The following ABLIM1 variants were observed in gnomAD, a reference collection of about 807,000 sequenced individuals.
ABLIM1 encodes actin binding LIM protein 1, also known as actin-binding LIM protein 1.
Under a neutral mutation model 107.0 loss-of-function variants are expected in ABLIM1, and 40 were observed. The observed-to-expected ratio is 0.37, with a 90% CI of 0.29 to 0.49. ABLIM1 has a LOEUF of 0.49. ABLIM1 is among the 20% of genes least tolerant of loss of function. The pLI is 0.97. For missense variants in ABLIM1, 857 were observed against 1,008.5 expected (o/e 0.85, Z 2.04); for synonymous variants, 357 against 357.3 (o/e 1.00, Z 0.01).
intron 10 of ABLIM1, among the ~76,000 whole-genome samples, chr10:114,471,198 T>C (rs2066475315): frequency 6.6e-6 from 1 of 152,088 alleles, no homozygotes. Context: ...TCTGGCAGAG[T>C]CTGGTTTTAA....
intron 8 of ABLIM1, chr10:114,485,279 C>A: frequency 6.3e-7 from 1 of 1,596,282 alleles, no homozygotes; most frequent in South Asian, 1.1e-5. Context: ...CGAGCCCCAG[C>A]CTAGACACAA....
rs370641489 is a variant in ABLIM1 at position 114,728,860 on chromosome 10, A to G, written c.-213+39201T>C. 6.8e-4 allele frequency among the ~76,000 whole-genome samples: 104 copies of G among 152,276 alleles called. 3 individuals are homozygous for G. The South Asian group carries it at 0.02, about 29-fold the overall frequency. On this transcript the variant is annotated intron_variant, in intron 1 of 15. Transcript: ENST00000651092. The stretch of plus-strand genomic sequence containing the variant: ...AAGTATGGCAAAACTGTAACATTCT[A>G]TATAGCAGGGTGCATATCATGCTTT...
At chr10:114,476,752 C>T (rs1420823460) in intron 8 of ABLIM1, among the ~76,000 whole-genome samples, 1 of 151,958 alleles carries the variant, frequency 6.6e-6, no homozygotes, top group Admixed American at 6.5e-5. Context: ...TCCTCCTTTA[C>T]AAGGAGATGC....
chr10:114,542,952 GTCCTTGGGTCAATAA>G (rs2066885766), intron 6 of ABLIM1, among the ~76,000 whole-genome samples: 1 of 152,160 alleles, frequency 6.6e-6, no homozygotes, highest in Non-Finnish European at 1.5e-5. Context: ...GTTTTGAAGT[GTCCTTGGGTCAATAA>G]TTAAAGCTTT....
At chr10:114,605,276 C>A (rs1371305253) in intron 1 of ABLIM1, among the ~76,000 whole-genome samples, 2 of 152,190 alleles carry the variant, frequency 1.3e-5, no homozygotes, top group African/African-American at 4.8e-5. Context: ...CTTTGACAGT[C>A]TGGTTGTTAC....
At chr10:114,649,140 A>G (rs112798948) in intron 1 of ABLIM1, among the ~76,000 whole-genome samples, 2,697 of 152,120 alleles carry the variant, frequency 0.018, 32 homozygotes, top group Non-Finnish European at 0.026. Flanking sequence ...GCTCACACCT[A>G]TAACCCCAGT....
chr10:114,749,739 C>T (rs931850739), intron 1 of ABLIM1, among the ~76,000 whole-genome samples: 12 of 152,248 alleles, frequency 7.9e-5, no homozygotes, highest in East Asian at 3.9e-4. Context: ...CTACTGGCCT[C>T]GCTGTGCCCT....
At chr10:114,594,081 T>C (rs1197510442) in intron 2 of ABLIM1, among the ~76,000 whole-genome samples, 1 of 152,232 alleles carries the variant, frequency 6.6e-6, no homozygotes, top group Non-Finnish European at 1.5e-5. Context: ...ATTCTCTAGA[T>C]AGGTAATAAA....
At chr10:114,459,122 C>A (rs1441497719) in intron 12 of ABLIM1, among the ~76,000 whole-genome samples, 2 of 152,232 alleles carry the variant, frequency 1.3e-5, no homozygotes, top group African/African-American at 2.4e-5. Context: ...AAACAAGGAA[C>A]AGGAAGTGGA....
chr10:114,500,746 G>GGGAAGGGAAGGGAAGGGAAC (rs2060307564), intron 6 of ABLIM1, among the ~76,000 whole-genome samples: 1 of 103,668 alleles, frequency 9.6e-6, no homozygotes, highest in South Asian at 3.6e-4. Context: ...GGGAAGGGAA[G>GGGAAGGGAAGGGAAGGGAAC]GGAAGGGAAG....
intron 1 of ABLIM1, among the ~76,000 whole-genome samples, chr10:114,668,539 T>A (rs2080120289): frequency 6.6e-6 from 1 of 152,172 alleles, no homozygotes; most frequent in Non-Finnish European, 1.5e-5. Flanking sequence ...GGTCTTGCTA[T>A]GTTGCCCAGG....
At chr10:114,512,210 TA>T (rs1470050940) in intron 6 of ABLIM1, among the ~76,000 whole-genome samples, 1 of 152,148 alleles carries the variant, frequency 6.6e-6, no homozygotes, top group African/African-American at 2.4e-5. Context: ...TTCCTGTGCG[TA>T]AAAAGGGCTG....
chr10:114,783,722 G>GA, the ABLIM1 span, among the ~76,000 whole-genome samples: 1 of 151,816 alleles, frequency 6.6e-6, no homozygotes, highest in Non-Finnish European at 1.5e-5. Context: ...TGGCTGTCAG[G>GA]AAAAAAGGCC....
chr10:114,571,059 A>C (rs989463403), intron 4 of ABLIM1, among the ~76,000 whole-genome samples: 1 of 152,180 alleles, frequency 6.6e-6, no homozygotes, highest in African/African-American at 2.4e-5. Context: ...CTATCTTAAC[A>C]GGTATAAGTT....
At position 114,492,810 on chromosome 10, in the gene ABLIM1, C is replaced by A. The variant is rs2059175776; in HGVS notation, c.895-932G>T. On this transcript the variant is annotated intron_variant, in intron 6 of 22. Coordinates refer to ENST00000533213, the MANE Select transcript of ABLIM1 (RefSeq NM_002313.7). ...AAAATGACTGTATCCTGCATCAGAA[C>A]CTGCATGAAACTGCAACAGGAAATC... Among the ~76,000 whole-genome samples the A allele has an allele frequency of 2.0e-5, 3 of 152,206 alleles. No homozygotes were observed. In the East Asian group the frequency reaches 5.8e-4, roughly 29 times the overall value.
chr10:114,564,691 TGA>T lies in ABLIM1; in HGVS notation c.673+6604_673+6605del, dbSNP rs1396161403. Among the ~76,000 whole-genome samples the T allele has an allele frequency of 2.0e-5, 3 of 152,330 alleles. No individual in the cohort carries two copies. In the East Asian group the frequency reaches 5.8e-4, roughly 29 times the overall value. On this transcript the variant is annotated intron_variant, in intron 4 of 22. Transcript: ENST00000533213. The stretch of plus-strand genomic sequence containing the variant: ...TTTTCCAATTTACAGACGAGGGCGC[TGA>T]GTTTCTGAGATATCAAATGACTTGC...
At chr10:114,681,186 TA>T (rs1415267052) in intron 1 of ABLIM1, among the ~76,000 whole-genome samples, 3 of 151,244 alleles carry the variant, frequency 2.0e-5, no homozygotes, top group African/African-American at 7.4e-5. Context: ...CCATTTTATA[TA>T]TTTTTTATTT....
chr10:114,466,969 C>A (rs925858312), intron 11 of ABLIM1, among the ~76,000 whole-genome samples: 1 of 151,942 alleles, frequency 6.6e-6, no homozygotes, highest in Non-Finnish European at 1.5e-5. Flanking sequence ...GACCAGCCTG[C>A]CCAACATGGT....
intron 8 of ABLIM1, among the ~76,000 whole-genome samples, chr10:114,486,226 G>A (rs1289788977): frequency 1.3e-5 from 2 of 152,116 alleles, no homozygotes; most frequent in African/African-American, 4.8e-5. Flanking sequence ...TTAGTCACAT[G>A]ATTTGCAAAC....
Sources: gnomAD v4.1 joint callset for allele counts (sites outside exome capture counted in the v4.1 genomes callset) on GRCh38, gnomAD v4.1.1 for gene constraint, MANE v1.5 for transcripts, NCBI Gene and HGNC (gene_info 2026-07-23, HGNC 2026-07-21) for gene names.